AP3B1: variants seen among roughly 807,000 people sequenced by gnomAD.
The protein encoded by AP3B1 is adaptor related protein complex 3 subunit beta 1.
Under a neutral mutation model 132.5 loss-of-function variants are expected in AP3B1, and 61 were observed. That is an observed-to-expected ratio of 0.46 (90% CI 0.37 to 0.57). AP3B1 has a LOEUF of 0.57. Ranked by LOEUF, AP3B1 falls within the 20% of genes least tolerant of loss-of-function variation. The probability of loss-of-function intolerance (pLI) is 0.00; values close to 1 mark genes in which losing one functional copy is unlikely to be tolerated. For synonymous variants in AP3B1, 388 were observed against 438.3 expected (o/e 0.89, Z 1.43); for missense variants, 1,120 against 1,289.4 (o/e 0.87, Z 2.01).
At chr5:78,003,865 T>G (rs1006244567) in intron 26 of AP3B1, among the ~76,000 whole-genome samples, 4 of 152,192 alleles carry the variant, frequency 2.6e-5, no homozygotes, top group African/African-American at 9.7e-5. Flanking sequence ...ATAACGAACT[T>G]CTGTCAATCC....
chr5:78,111,758 TA>T (rs1310295622), intron 19 of AP3B1, among the ~76,000 whole-genome samples: 1 of 152,196 alleles, frequency 6.6e-6, no homozygotes, highest in Non-Finnish European at 1.5e-5. Flanking sequence ...TGTATTTTTT[TA>T]AGAATCTACT....
intron 26 of AP3B1, among the ~76,000 whole-genome samples, chr5:78,010,415 G>A (rs1303854591): frequency 1.3e-5 from 2 of 152,066 alleles, no homozygotes; most frequent in Non-Finnish European, 2.9e-5. Flanking sequence ...TTTTGGGGTG[G>A]GTTCCAGAAA....
intron 21 of AP3B1, among the ~76,000 whole-genome samples, chr5:78,098,229 A>G (rs1372068191): frequency 1.3e-5 from 2 of 151,708 alleles, no homozygotes; most frequent in African/African-American, 2.4e-5. Context: ...CTATTGTCCT[A>G]TGACCCTGCC....
At chr5:78,187,215 G>A (rs536791098) in intron 7 of AP3B1, among the ~76,000 whole-genome samples, 1 of 152,052 alleles carries the variant, frequency 6.6e-6, no homozygotes, top group Non-Finnish European at 1.5e-5. Context: ...GTTCTGTTAA[G>A]TACATTAATA....
chr5:78,190,497 T>C (rs1744783236), intron 7 of AP3B1, among the ~76,000 whole-genome samples: 1 of 152,206 alleles, frequency 6.6e-6, no homozygotes, highest in African/African-American at 2.4e-5. Flanking sequence ...CTGTGGACTA[T>C]GTTTCTCAGG....
chr5:78,058,402 A>G (rs1362884399), intron 22 of AP3B1, among the ~76,000 whole-genome samples: 1 of 152,080 alleles, frequency 6.6e-6, no homozygotes, highest in Non-Finnish European at 1.5e-5. Flanking sequence ...CCGGAGGCTG[A>G]GGCAGGAGAA....
Position 78,165,448 on chromosome 5 carries a change from G to T in AP3B1, c.1230+162C>A, listed in dbSNP as rs117484956. On this transcript the variant is annotated intron_variant, in intron 12 of 26. Coordinates refer to ENST00000255194, the MANE Select transcript of AP3B1 (RefSeq NM_003664.5). The stretch of plus-strand genomic sequence containing the variant: ...CTATGTTTTCCTTAAATTATAAATT[G>T]TAATTAGTTTATTCTTGCAAATTTA... Among the ~76,000 whole-genome samples the T allele has an allele frequency of 2.6e-4, 39 of 152,080 alleles. No homozygotes were observed. In the East Asian group the frequency reaches 7.1e-3, roughly 28 times the overall value.
chr5:78,182,487 A>G (rs1349447113), intron 7 of AP3B1, among the ~76,000 whole-genome samples: 4 of 152,230 alleles, frequency 2.6e-5, no homozygotes, highest in African/African-American at 9.6e-5. Flanking sequence ...AGACTTTGAA[A>G]GGCAAAAAGG....
At chr5:78,132,975 T>C (rs1056337785) in intron 15 of AP3B1, among the ~76,000 whole-genome samples, 2 of 152,190 alleles carry the variant, frequency 1.3e-5, no homozygotes, top group Non-Finnish European at 2.9e-5. Flanking sequence ...AAAACTACTG[T>C]AGCAAGAGTG....
intron 26 of AP3B1, among the ~76,000 whole-genome samples, chr5:78,005,707 C>T (rs1746362335): frequency 6.6e-6 from 1 of 152,174 alleles, no homozygotes; most frequent in Non-Finnish European, 1.5e-5. Context: ...ATCAGATGTT[C>T]TGACATTCTC....
intron 19 of AP3B1, among the ~76,000 whole-genome samples, chr5:78,112,394 T>C (rs1363131328): frequency 6.6e-6 from 1 of 152,220 alleles, no homozygotes; most frequent in Non-Finnish European, 1.5e-5. Context: ...AGAATGTATT[T>C]GTGGTTCTCT....
intron 22 of AP3B1, among the ~76,000 whole-genome samples, chr5:78,046,124 A>C (rs1748316265): frequency 6.6e-6 from 1 of 152,158 alleles, no homozygotes; most frequent in Non-Finnish European, 1.5e-5. Flanking sequence ...TTGTTGTTGG[A>C]AACAATTCTC....
intron 22 of AP3B1, among the ~76,000 whole-genome samples, chr5:78,071,735 C>T (rs546931574): frequency 6.6e-6 from 1 of 152,240 alleles, no homozygotes; most frequent in South Asian, 2.1e-4. Flanking sequence ...AAAAAAGGTC[C>T]TGTTCTATCT....
chr5:78,002,836 G>C lies in AP3B1; in HGVS notation c.*66C>G. 6.4e-7 allele frequency: 1 copy of C among 1,567,548 alleles called. No homozygotes were observed. Among genetic ancestry groups the C allele is most frequent in the Non-Finnish European group, 8.8e-7 (1 of 1,137,692 alleles). ...GGAAGGGCTATTATTATAAATGAAA[G>C]GCAGCAGTAGTGGATGCCAGGCACT... On this transcript the variant is annotated 3_prime_UTR_variant, in exon 27 of 27. Coordinates refer to ENST00000255194, the MANE Select transcript of AP3B1 (RefSeq NM_003664.5).
chr5:78,116,053 TA>T, intron 18 of AP3B1, 72 bp downstream of exon 18: 2 of 1,083,378 alleles, frequency 1.8e-6, no homozygotes, highest in South Asian at 2.5e-5. Context: ...TATTATGGAT[TA>T]GGCCTTGTTT....
At chr5:78,063,289 C>T (rs376313275) in intron 22 of AP3B1, among the ~76,000 whole-genome samples, 4 of 152,136 alleles carry the variant, frequency 2.6e-5, no homozygotes, top group Non-Finnish European at 4.4e-5. Context: ...AATAGCAGTT[C>T]GGTGCTTATA....
chr5:78,244,968 G>A (rs930835296), intron 2 of AP3B1, among the ~76,000 whole-genome samples: 7 of 151,856 alleles, frequency 4.6e-5, no homozygotes, highest in African/African-American at 1.5e-4. Context: ...GCACTCCAGC[G>A]TGGTGACAGA....
intron 3 of AP3B1, among the ~76,000 whole-genome samples, chr5:78,235,712 G>A (rs74539614): frequency 0.012 from 1,760 of 152,266 alleles, 37 homozygotes; most frequent in African/African-American, 0.04. Flanking sequence ...TTGCTGTAAA[G>A]CTAATCATAG....
intron 22 of AP3B1, among the ~76,000 whole-genome samples, chr5:78,059,075 T>C (rs752875742): frequency 1.6e-4 from 24 of 152,276 alleles, no homozygotes; most frequent in Non-Finnish European, 2.5e-4. Flanking sequence ...ATAAGTTGAC[T>C]TTGAGATTGG....
Sources: gnomAD v4.1 joint callset for allele counts (sites outside exome capture counted in the v4.1 genomes callset) on GRCh38, gnomAD v4.1.1 for gene constraint, MANE v1.5 for transcripts, NCBI Gene and HGNC (gene_info 2026-07-23, HGNC 2026-07-21) for gene names.